OR8G1: variants seen among roughly 807,000 people sequenced by gnomAD.
OR8G1 encodes olfactory receptor 8G1.
For missense variants in OR8G1, 372 were observed against 356.2 expected (o/e 1.04, Z -0.36); for synonymous variants, 129 against 133.3 (o/e 0.97, Z 0.22).
intron 1 of OR8G1, among the ~76,000 whole-genome samples, chr11:124,245,467 A>G (rs554883985): frequency 4.6e-4 from 67 of 144,252 alleles, no homozygotes; most frequent in African/African-American, 1.5e-3. Context: ...TAGTGCCGCA[A>G]TAAACATACG....
rs2137752944 is a variant in OR8G1 at position 124,253,178 on chromosome 11, T to C, written c.*2567T>C. The C allele has an allele frequency of 6.6e-6, 1 of 152,282 alleles. No homozygotes were observed. The highest frequency in any genetic ancestry group is 2.4e-5 in the African/African-American group (1 of 41,558). The allele number at this position is 152,282 out of a possible 1,614,324, so 9.4% of individuals were successfully genotyped here. ...GCTCATGCCTGTAGTCCCAGCACTT[T>C]GGGGAGCTGAGGTGGGTGAATCACT... On this transcript the variant is annotated 3_prime_UTR_variant, in exon 3 of 3. Coordinates refer to ENST00000641972, the MANE Select transcript of OR8G1 (RefSeq NM_001002905.2).
chr11:124,242,415 A>G (rs183034368), intron 1 of OR8G1, among the ~76,000 whole-genome samples: 77 of 152,188 alleles, frequency 5.1e-4, no homozygotes, highest in Non-Finnish European at 8.8e-4. Context: ...GAAGATGGTC[A>G]TATTAATATG....
chr11:124,247,604 C>CA (rs950548415), intron 1 of OR8G1, among the ~76,000 whole-genome samples, 197 bp from the exon 2 acceptor site: 4 of 151,514 alleles, frequency 2.6e-5, no homozygotes, highest in Admixed American at 2.6e-4. Flanking sequence ...CAATCTATTC[C>CA]AAAAAATATG....
chr11:124,247,674 A>G (rs188544721), intron 1 of OR8G1, 127 bp from the exon 2 acceptor site: 5 of 147,168 alleles, frequency 3.4e-5, no homozygotes, highest in Non-Finnish European at 6.0e-5. Context: ...ATATAGAGTA[A>G]TATTTTATGT....
intron 2 of OR8G1, among the ~76,000 whole-genome samples, chr11:124,248,633 G>T (rs2137749015): frequency 6.6e-6 from 1 of 151,930 alleles, no homozygotes; most frequent in Middle Eastern, 3.4e-3. Context: ...TGAGTAATTT[G>T]CCTGATCATA....
chr11:124,250,376 G>T lies in OR8G1; in HGVS notation c.701G>T (p.Arg234Met). Reference sequence around the variant, plus strand: ...CTCCACATTCGCTCCACTGAGGGCAGGTCCAAAGCCTTCAGCACTTGTAGC... The same window carrying T: ...CTCCACATTCGCTCCACTGAGGGCATGTCCAAAGCCTTCAGCACTTGTAGC... Reference protein sequence around the residue: ...SILHIRSTEGRSKAFSTCSSH... With the variant: ...SILHIRSTEGMSKAFSTCSSH... The change falls in exon 3 of 3, where the codon AGG (arginine) becomes ATG (methionine). Residue 234 changes from arginine (R) to methionine (M), a missense_variant. Arg to Met is a moderately conservative substitution (Grantham distance 91). Coordinates refer to ENST00000641972, the MANE Select transcript of OR8G1 (RefSeq NM_001002905.2). The T allele has an allele frequency of 1.2e-6, 2 of 1,613,756 alleles. No individual in the cohort carries two copies. The highest frequency in any genetic ancestry group is 1.7e-6 in the Non-Finnish European group (2 of 1,179,808).
intron 1 of OR8G1, among the ~76,000 whole-genome samples, chr11:124,245,436 G>A (rs1276157191): frequency 6.6e-6 from 1 of 150,618 alleles, no homozygotes; most frequent in African/African-American, 2.5e-5. Context: ...TGGACTGGTT[G>A]CAAGTCTTTG....
intron 2 of OR8G1, among the ~76,000 whole-genome samples, chr11:124,249,172 T>G (rs1374303940): frequency 6.6e-6 from 1 of 152,122 alleles, no homozygotes; most frequent in African/African-American, 2.4e-5. Flanking sequence ...AATAATATTT[T>G]AAAATATGAA....
At chr11:124,241,987 C>T (rs371861173) in intron 1 of OR8G1, among the ~76,000 whole-genome samples, 49 of 152,066 alleles carry the variant, frequency 3.2e-4, no homozygotes, top group Middle Eastern at 3.4e-3. Context: ...ATTTTATGAC[C>T]AGGAATAAGT....
At chr11:124,247,367 A>G (rs1565315797) in intron 1 of OR8G1, among the ~76,000 whole-genome samples, 1 of 151,924 alleles carries the variant, frequency 6.6e-6, no homozygotes, top group Non-Finnish European at 1.5e-5. Context: ...TAGATGTTAA[A>G]GAAACAATTA....
At chr11:124,249,441 TAGAA>T (rs1861842168) in intron 2 of OR8G1, among the ~76,000 whole-genome samples, 2 of 152,184 alleles carry the variant, frequency 1.3e-5, no homozygotes, top group African/African-American at 2.4e-5. Flanking sequence ...AAGGGATACT[TAGAA>T]AGTGTTCAAT....
rs1294173295 is a variant in OR8G1 at position 124,251,226 on chromosome 11, C to T, written c.*615C>T. 1.9e-5 allele frequency: 2 copies of T among 105,812 alleles called. 1 individual carries two copies. The highest frequency in any genetic ancestry group is 8.8e-5 in the African/African-American group (2 of 22,690). 6.6% of individuals were successfully genotyped at this position (105,812 alleles called of 1,614,324 possible). On this transcript the variant is annotated 3_prime_UTR_variant, in exon 3 of 3. Transcript: ENST00000641972. Reference sequence around the variant, plus strand: ...TCAACCTACACTGGACTTCAGTCTTCATGAAGATTCCCCCGTACATGTGGT... The same window carrying T: ...TCAACCTACACTGGACTTCAGTCTTTATGAAGATTCCCCCGTACATGTGGT...
rs1291576657 is a variant in OR8G1, at chr11:124,254,054, C to T, written c.*3443C>T. On this transcript the variant is annotated 3_prime_UTR_variant, in exon 3 of 3. Transcript: ENST00000641972. The stretch of plus-strand genomic sequence containing the variant: ...GCTGATTGTATTTTTTGAATATATA[C>T]CCGATAGTGGTATTGCTAGGTCATA... The T allele has an allele frequency of 1.3e-5, 2 of 152,008 alleles. No homozygotes were observed. Among genetic ancestry groups the T allele is most frequent in the Non-Finnish European group, 1.5e-5 (1 of 67,998 alleles). The allele number at this position is 152,008 out of a possible 1,614,324, so 9.4% of individuals were successfully genotyped here.
chr11:124,253,931 C>T lies in OR8G1; in HGVS notation c.*3320C>T, dbSNP rs979208058. The T allele has an allele frequency of 6.6e-6, 1 of 152,130 alleles. No homozygotes were observed. Among genetic ancestry groups the T allele is most frequent in the Admixed American group, 6.6e-5 (1 of 15,252 alleles). 9.4% of individuals were successfully genotyped at this position (152,130 alleles called of 1,614,324 possible). A position where few individuals can be genotyped will look rare whatever the true frequency, so the allele number is the denominator to read the frequency against. On this transcript the variant is annotated 3_prime_UTR_variant, in exon 3 of 3. Transcript: ENST00000641972. Reference sequence around the variant, plus strand: ...TGCACATATACCACATTTTGTTTATCCATTCTTCCTAAGCGATGGACACCT... The same window carrying T: ...TGCACATATACCACATTTTGTTTATTCATTCTTCCTAAGCGATGGACACCT...
intron 1 of OR8G1, among the ~76,000 whole-genome samples, chr11:124,244,745 A>G (rs11219527): frequency 0.51 from 77,531 of 151,650 alleles, 20,449 homozygotes; most frequent in South Asian, 0.7. Flanking sequence ...ACAATATAAC[A>G]TATTGAGATC....
rs1391830452 is a variant in OR8G1 at position 124,251,605 on chromosome 11, A to G, written c.*994A>G. ...TTTTAAGTCATTAAACCCTCTCAAC[A>G]ACCAAGGAGTCCCTAAAGCAATACT... On this transcript the variant is annotated 3_prime_UTR_variant, in exon 3 of 3. Coordinates refer to ENST00000641972, the MANE Select transcript of OR8G1 (RefSeq NM_001002905.2). The G allele has an allele frequency of 4.0e-6, 1 of 248,270 alleles. No individual in the cohort carries two copies. Among genetic ancestry groups the G allele is most frequent in the Non-Finnish European group, 8.1e-6 (1 of 122,930 alleles). The allele number at this position is 248,270 out of a possible 1,614,324, so 15.4% of individuals were successfully genotyped here.
In OR8G1 at chr11:124,250,392, C is replaced by A. The variant is rs779996561; in HGVS notation, c.717C>A (p.Ser239Arg). 1 of 1,613,778 alleles carries A rather than the reference C, an allele frequency of 6.2e-7. No individual in the cohort carries two copies. Among genetic ancestry groups the A allele is most frequent in the Admixed American group, 1.7e-5 (1 of 59,952 alleles). The stretch of plus-strand genomic sequence containing the variant: ...CTGAGGGCAGGTCCAAAGCCTTCAG[C>A]ACTTGTAGCTCCCACATGTTGGCGG... ...RSTEGRSKAF[S>R]TCSSHMLAVV... Residue 239 changes from serine (S) to arginine (R), a missense_variant, in exon 3 of 3, where the codon AGC (serine) becomes AGA (arginine). By Grantham distance (110) the Ser-to-Arg change is moderately radical. Coordinates refer to ENST00000641972, the MANE Select transcript of OR8G1 (RefSeq NM_001002905.2).
At chr11:124,244,240 A>G (rs1422802395) in intron 1 of OR8G1, among the ~76,000 whole-genome samples, 1 of 151,996 alleles carries the variant, frequency 6.6e-6, no homozygotes, top group East Asian at 1.9e-4. Context: ...ACAAAGACTA[A>G]GATGTCTCTA....
rs1861870523 is a variant in OR8G1 at position 124,251,956 on chromosome 11, T to C, written c.*1345T>C. The C allele has an allele frequency of 6.6e-6, 1 of 152,390 alleles. No homozygotes were observed. Among genetic ancestry groups the C allele is most frequent in the African/African-American group, 2.4e-5 (1 of 41,448 alleles). 9.4% of individuals were successfully genotyped at this position (152,390 alleles called of 1,614,324 possible). On this transcript the variant is annotated 3_prime_UTR_variant, in exon 3 of 3. Transcript: ENST00000641972. ...CCAGAAGAAATATTTCACTTGTCTA[T>C]ATTTGGATGGGGCTGGTTAAGTTGC...
Sources: gnomAD v4.1 joint callset for allele counts (sites outside exome capture counted in the v4.1 genomes callset) on GRCh38, gnomAD v4.1.1 for gene constraint, MANE v1.5 for transcripts, NCBI Gene and HGNC (gene_info 2026-07-23, HGNC 2026-07-21) for gene names.